ALDH1L1: variants seen among roughly 807,000 people sequenced by gnomAD.
The protein encoded by ALDH1L1 is aldehyde dehydrogenase 1 family member L1.
In ALDH1L1, 68 loss-of-function variants were observed where a neutral mutation model predicts 101.1. The observed-to-expected ratio is 0.67, with a 90% CI of 0.55 to 0.82. The LOEUF (loss-of-function observed/expected upper bound fraction) is 0.82, where lower values mean the gene tolerates loss of function less well. Ranked by LOEUF, ALDH1L1 falls within the 40% of genes least tolerant of loss-of-function variation. The pLI is 0.00. For missense variants in ALDH1L1, 1,087 were observed against 1,172.7 expected (o/e 0.93, Z 1.07); for synonymous variants, 486 against 470.8 (o/e 1.03, Z -0.42).
At chr3:126,151,341 T>A (rs2080803685) in intron 7 of ALDH1L1, 1 of 152,222 alleles carries the variant, frequency 6.6e-6, no homozygotes, top group African/African-American at 2.4e-5. Flanking sequence ...TGGCCGGCCC[T>A]GCAGTCTGCA....
intron 1 of ALDH1L1, among the ~76,000 whole-genome samples, chr3:126,190,973 A>G (rs2081550090): frequency 6.6e-6 from 1 of 152,160 alleles, no homozygotes; most frequent in Non-Finnish European, 1.5e-5. Context: ...TTTCCTATTA[A>G]TTCATTTTGA....
At chr3:126,132,864 A>G (rs9637387) in intron 12 of ALDH1L1, among the ~76,000 whole-genome samples, 108,816 of 152,190 alleles carry the variant, frequency 0.72, 39,852 homozygotes, top group African/African-American at 0.89. Context: ...TGCTCTCTGC[A>G]GCGCCCAGCT....
intron 12 of ALDH1L1, 116 bp downstream of exon 12, chr3:126,135,419 C>T: frequency 2.1e-6 from 3 of 1,436,864 alleles, no homozygotes; most frequent in Non-Finnish European, 1.9e-6. Context: ...GTCCCATAGC[C>T]TCCCCAGGAC....
upstream of ALDH1L1, chr3:126,180,971 G>T (rs1429908366): frequency 1.2e-6 from 2 of 1,610,670 alleles, no homozygotes; most frequent in Non-Finnish European, 1.7e-6. Flanking sequence ...CCTGCCATGT[G>T]CTACGGACAC....
In ALDH1L1 at chr3:126,103,667, G is replaced by T. The variant is rs997894001; in HGVS notation, c.*124C>A. The T allele has an allele frequency of 3.0e-6, 3 of 985,064 alleles. No individual in the cohort carries two copies. The highest frequency in any genetic ancestry group is 1.6e-5 in the African/African-American group (1 of 62,420). 61.0% of individuals were successfully genotyped at this position (985,064 alleles called of 1,614,324 possible). A position where few individuals can be genotyped will look rare whatever the true frequency, so the allele number is the denominator to read the frequency against. On this transcript the variant is annotated 3_prime_UTR_variant, in exon 23 of 23. Transcript: ENST00000393434. ...AGAGGGCGTCCAAGATGCAGACATG[G>T]TGTGCAGGCAGGAGGGCTTCCACTA...
intron 6 of ALDH1L1, among the ~76,000 whole-genome samples, chr3:126,153,823 C>T (rs2080854490): frequency 6.6e-6 from 1 of 152,204 alleles, no homozygotes; most frequent in Non-Finnish European, 1.5e-5. Context: ...GCCATAAGAC[C>T]CTTCTCCTTG....
At chr3:126,103,955 C>T in intron 22 of ALDH1L1, 109 bp from the exon 23 acceptor site, 2 of 1,267,266 alleles carry the variant, frequency 1.6e-6, no homozygotes, top group African/African-American at 1.5e-5. Flanking sequence ...TCTGGCTCAC[C>T]CCACTTCCAG....
At chr3:126,108,316 C>T (rs887892468) in intron 20 of ALDH1L1, among the ~76,000 whole-genome samples, 1 of 152,240 alleles carries the variant, frequency 6.6e-6, no homozygotes, top group African/African-American at 2.4e-5. Flanking sequence ...CATGCTCTGC[C>T]CCTCACTGGG....
chr3:126,146,244 C>T (rs2080675237), intron 9 of ALDH1L1, among the ~76,000 whole-genome samples: 1 of 152,158 alleles, frequency 6.6e-6, no homozygotes, highest in Non-Finnish European at 1.5e-5. Context: ...TTTTGGCCAA[C>T]AGAATGCAAT....
At chr3:126,134,393 C>T (rs1361256569) in intron 12 of ALDH1L1, among the ~76,000 whole-genome samples, 2 of 152,214 alleles carry the variant, frequency 1.3e-5, no homozygotes, top group Non-Finnish European at 2.9e-5. Flanking sequence ...CCACCAAACG[C>T]GCACGCAGGG....
intron 9 of ALDH1L1, among the ~76,000 whole-genome samples, chr3:126,140,555 A>C (rs2080546503): frequency 6.6e-6 from 1 of 152,064 alleles, no homozygotes; most frequent in African/African-American, 2.4e-5. Flanking sequence ...TTTTTCCTAT[A>C]TGACAATAGG....
chr3:126,121,444 T>C (rs2080077592), intron 16 of ALDH1L1, among the ~76,000 whole-genome samples: 1 of 152,328 alleles, frequency 6.6e-6, no homozygotes, highest in South Asian at 2.1e-4. Flanking sequence ...TAAATCTCTT[T>C]TTACTTACTG....
Position 126,158,388 on chromosome 3 carries a change from T to G in ALDH1L1, c.362+17A>C, listed in dbSNP as rs376391260. The G allele has an allele frequency of 6.4e-7, 1 of 1,551,468 alleles. No individual in the cohort carries two copies. The highest frequency in any genetic ancestry group is 2.4e-5 in the East Asian group (1 of 42,202). On this transcript the variant is annotated intron_variant, in intron 3 of 22. Transcript: ENST00000393434. ...ACATGTATGGGGATGGCCCCCTGTGTTTTTGCCCCATCTCACCAGTTGATG... is the reference window on the plus strand; with the variant it reads ...ACATGTATGGGGATGGCCCCCTGTGGTTTTGCCCCATCTCACCAGTTGATG...
At chr3:126,147,704 GC>G (rs1443143832) in intron 8 of ALDH1L1, among the ~76,000 whole-genome samples, 2 of 152,132 alleles carry the variant, frequency 1.3e-5, no homozygotes, top group Non-Finnish European at 2.9e-5. Flanking sequence ...TCAATCATGG[GC>G]CCAGGTTGGG....
Position 126,178,951 on chromosome 3 carries a change from T to A in ALDH1L1, c.-24+1525A>T, listed in dbSNP as rs79253214. 2.5e-3 allele frequency among the ~76,000 whole-genome samples: 356 copies of A among 142,576 alleles called. 3 individuals are homozygous for A. Among genetic ancestry groups the A allele is most frequent in the African/African-American group, 9.1e-3 (336 of 36,854 alleles). 93.5% of individuals were successfully genotyped at this position (142,576 alleles called of 152,430 possible). ...CATGATTACTTCTGAAAAAAAAAAA[T>A]AAAAGAGTATGTCGTTCCCCCCCTG... On this transcript the variant is annotated intron_variant, in intron 1 of 22. Transcript: ENST00000393434.
intron 16 of ALDH1L1, among the ~76,000 whole-genome samples, chr3:126,120,786 AT>A (rs1236848550): frequency 6.6e-6 from 1 of 152,208 alleles, no homozygotes; most frequent in Non-Finnish European, 1.5e-5. Context: ...ACTAGTAATA[AT>A]AATAATAGTA....
intron 14 of ALDH1L1, among the ~76,000 whole-genome samples, chr3:126,126,168 G>A (rs2080178296): frequency 6.6e-6 from 1 of 152,208 alleles, no homozygotes; most frequent in Non-Finnish European, 1.5e-5. Context: ...GAGTCAGCAA[G>A]GCAGCACTGA....
chr3:126,162,658 A>T (rs769842550), intron 1 of ALDH1L1, among the ~76,000 whole-genome samples: 2 of 152,166 alleles, frequency 1.3e-5, no homozygotes, highest in African/African-American at 4.8e-5. Flanking sequence ...TCATCCTCGT[A>T]TAATGTCTTT....
At chr3:126,196,388 T>C (rs1342307953) in intron 1 of ALDH1L1, among the ~76,000 whole-genome samples, 1 of 152,010 alleles carries the variant, frequency 6.6e-6, no homozygotes, top group Non-Finnish European at 1.5e-5. Context: ...AGCTTTTTTT[T>C]TTTTTTTTTT....
Sources: gnomAD v4.1 joint callset for allele counts (sites outside exome capture counted in the v4.1 genomes callset) on GRCh38, gnomAD v4.1.1 for gene constraint, MANE v1.5 for transcripts, NCBI Gene and HGNC (gene_info 2026-07-23, HGNC 2026-07-21) for gene names.